BICD1: variants seen among roughly 807,000 people sequenced by gnomAD.
BICD1 encodes BICD cargo adaptor 1, also known as protein bicaudal D homolog 1.
BICD1 carries 35 observed loss-of-function variants against 92.5 expected under a neutral mutation model. That is an observed-to-expected ratio of 0.38 (90% CI 0.29 to 0.50). BICD1 has a LOEUF of 0.50. Ranked by LOEUF, BICD1 falls within the 20% of genes least tolerant of loss-of-function variation. The pLI is 0.93. For synonymous variants in BICD1, 429 were observed against 465.1 expected (o/e 0.92, Z 1.00); for missense variants, 950 against 1,189.8 (o/e 0.80, Z 2.97).
At chr12:32,113,069 A>G (rs1191772503) in intron 1 of BICD1, among the ~76,000 whole-genome samples, 9 of 152,130 alleles carry the variant, frequency 5.9e-5, no homozygotes. Context: ...ACTGCATCAT[A>G]CTACCTTGAA....
intron 4 of BICD1, among the ~76,000 whole-genome samples, chr12:32,318,094 A>G (rs1182585657): frequency 6.6e-6 from 1 of 151,488 alleles, no homozygotes; most frequent in Non-Finnish European, 1.5e-5. Flanking sequence ...TACCAGTACC[A>G]TGCTGTTTTG....
chr12:32,340,773 T>C lies in BICD1; in HGVS notation c.2764+1794T>C, dbSNP rs182270552. On this transcript the variant is annotated intron_variant, in intron 8 of 9. Coordinates refer to ENST00000652176, the MANE Select transcript of BICD1 (RefSeq NM_001714.4). ...AAGTTATTGTATCATAGATTTTGTT[T>C]CAGATGCTGTTATCACATTAATCAC... The C allele has an allele frequency of 2.4e-3, 385 of 161,426 alleles. 2 individuals are homozygous for C. Among genetic ancestry groups the C allele is most frequent in the African/African-American group, 9.0e-3 (374 of 41,738 alleles). The allele number at this position is 161,426 out of a possible 1,614,324, so 10.0% of individuals were successfully genotyped here.
intron 4 of BICD1, among the ~76,000 whole-genome samples, chr12:32,312,434 G>A (rs141014371): frequency 1.8e-3 from 267 of 152,208 alleles, no homozygotes; most frequent in African/African-American, 6.1e-3. Context: ...CTGTGTATAA[G>A]TCATAACATT....
At chr12:32,109,855 T>C (rs1592309545) in intron 1 of BICD1, among the ~76,000 whole-genome samples, 1 of 152,078 alleles carries the variant, frequency 6.6e-6, no homozygotes, top group Non-Finnish European at 1.5e-5. Flanking sequence ...CCAAAATAAT[T>C]GTGCAAACTG....
At chr12:32,248,214 GAATT>G (rs1946439260) in intron 2 of BICD1, among the ~76,000 whole-genome samples, 1 of 152,180 alleles carries the variant, frequency 6.6e-6, no homozygotes, top group African/African-American at 2.4e-5. Context: ...ATGAAGCTAA[GAATT>G]AATTACTGGA....
intron 2 of BICD1, among the ~76,000 whole-genome samples, chr12:32,253,044 A>G (rs1204123801): frequency 1.3e-5 from 2 of 151,942 alleles, no homozygotes; most frequent in Non-Finnish European, 2.9e-5. Context: ...CACCGCACCC[A>G]GGTAATTTTT....
At chr12:32,191,002 G>A (rs977546889) in intron 1 of BICD1, among the ~76,000 whole-genome samples, 1 of 152,144 alleles carries the variant, frequency 6.6e-6, no homozygotes, top group African/African-American at 2.4e-5. Flanking sequence ...GGTTGAAGAA[G>A]AAATCAAAAG....
chr12:32,376,508 C>G (rs898749695), intron 9 of BICD1, among the ~76,000 whole-genome samples: 1 of 152,112 alleles, frequency 6.6e-6, no homozygotes, highest in Admixed American at 6.5e-5. Flanking sequence ...GGCCTGAGCA[C>G]AGGTTCATTT....
At chr12:32,270,703 A>G (rs1947116009) in intron 2 of BICD1, among the ~76,000 whole-genome samples, 1 of 152,240 alleles carries the variant, frequency 6.6e-6, no homozygotes, top group South Asian at 2.1e-4. Flanking sequence ...GATTCTGAAT[A>G]TGTATTTTAT....
rs569041743 is a variant in BICD1, at chr12:32,143,129, T to A, written c.213+35585T>A. Among the ~76,000 whole-genome samples the A allele has an allele frequency of 4.6e-5, 7 of 152,304 alleles. No individual in the cohort carries two copies. The South Asian group carries it at 1.4e-3, about 32-fold the overall frequency. ...GTCTATATAACCTTTCTGAAAAACA[T>A]CCTGTGGGAAATATACCATATATAC... On this transcript the variant is annotated intron_variant, in intron 1 of 9. Coordinates refer to ENST00000652176, the MANE Select transcript of BICD1 (RefSeq NM_001714.4).
intron 1 of BICD1, among the ~76,000 whole-genome samples, chr12:32,153,611 C>T (rs1283359138): frequency 6.6e-6 from 1 of 151,966 alleles, no homozygotes; most frequent in Non-Finnish European, 1.5e-5. Context: ...ACAAAACTAG[C>T]CAGGCATGAT....
At chr12:32,356,412 G>A (rs1939107625) in intron 8 of BICD1, among the ~76,000 whole-genome samples, 1 of 152,182 alleles carries the variant, frequency 6.6e-6, no homozygotes, top group Non-Finnish European at 1.5e-5. Context: ...AGCGCTTTGG[G>A]AGGCTGAGGC....
At chr12:32,257,211 CAAAAAAAAAAA>C (rs35294412) in intron 2 of BICD1, among the ~76,000 whole-genome samples, 1 of 78,276 alleles carries the variant, frequency 1.3e-5, no homozygotes, top group Admixed American at 1.7e-4. Context: ...GACTCTGTCT[CAAAAAAAAAAA>C]AAAAAAAAAA....
rs150122795 is a variant in BICD1 at position 32,272,041 on chromosome 12, TTTTA to T, written c.427-21948_427-21945del. Among the ~76,000 whole-genome samples, 1,392 of 152,304 alleles carry T rather than the reference TTTTA, an allele frequency of 9.1e-3. 24 individuals are homozygous for T. The highest frequency in any genetic ancestry group is 0.032 in the African/African-American group (1,315 of 41,574). On this transcript the variant is annotated intron_variant, in intron 2 of 9. Coordinates refer to ENST00000652176, the MANE Select transcript of BICD1 (RefSeq NM_001714.4). ...AGTAAAACATGTACTACAAGTTACT[TTTTA>T]TTTAACTACTTATGCCATATTTAAT... is the stretch of plus-strand genomic sequence containing the variant.
chr12:32,139,499 T>C (rs1007754843), intron 1 of BICD1, among the ~76,000 whole-genome samples: 1 of 152,232 alleles, frequency 6.6e-6, no homozygotes, highest in Non-Finnish European at 1.5e-5. Flanking sequence ...CAGTAAATAC[T>C]TGCTGATTGA....
intron 1 of BICD1, among the ~76,000 whole-genome samples, chr12:32,191,170 A>G (rs1944553807): frequency 6.6e-6 from 1 of 152,188 alleles, no homozygotes; most frequent in South Asian, 2.1e-4. Context: ...ACCCCAAGGA[A>G]CTAGAAAAAG....
rs942286274 is a variant in BICD1, at chr12:32,381,353, G to C, written c.*3726G>C. On this transcript the variant is annotated 3_prime_UTR_variant, in exon 10 of 10. Coordinates refer to ENST00000652176, the MANE Select transcript of BICD1 (RefSeq NM_001714.4). ...AGAAGGTATGCAATCCCTTAGTGGG[G>C]GGCAAACACATTTCAGATTTCGTCT... is the stretch of plus-strand genomic sequence containing the variant. The C allele has an allele frequency of 6.6e-6, 1 of 151,946 alleles. No homozygotes were observed. 9.4% of individuals were successfully genotyped at this position (151,946 alleles called of 1,614,324 possible).
chr12:32,209,261 C>T (rs915623310), intron 1 of BICD1, among the ~76,000 whole-genome samples: 2 of 152,168 alleles, frequency 1.3e-5, no homozygotes, highest in African/African-American at 4.8e-5. Context: ...ATCATTTTAA[C>T]CATTTGATGT....
At chr12:32,189,312 T>C (rs1237013998) in intron 1 of BICD1, among the ~76,000 whole-genome samples, 1 of 152,210 alleles carries the variant, frequency 6.6e-6, no homozygotes, top group Non-Finnish European at 1.5e-5. Context: ...TATCAGACAA[T>C]GTGCAGACAA....
Sources: gnomAD v4.1 joint callset for allele counts (sites outside exome capture counted in the v4.1 genomes callset) on GRCh38, gnomAD v4.1.1 for gene constraint, MANE v1.5 for transcripts, NCBI Gene and HGNC (gene_info 2026-07-23, HGNC 2026-07-21) for gene names.